The following MINPP1 variants were observed in gnomAD, a reference collection of about 807,000 sequenced individuals.
MINPP1 encodes multiple inositol-polyphosphate phosphatase 1.
In MINPP1, 28 loss-of-function variants were observed where a neutral mutation model predicts 46.1. The ratio of observed to expected loss-of-function variants is 0.61; its 90% CI spans 0.45 to 0.83. The LOEUF (loss-of-function observed/expected upper bound fraction) is 0.83, where lower values mean the gene tolerates loss of function less well. MINPP1 is among the 40% of genes least tolerant of loss of function. The pLI is 0.00. For missense variants in MINPP1, 603 were observed against 610.0 expected, an observed-to-expected ratio of 0.99 and a Z score of 0.12; for synonymous variants, 268 against 249.1, an observed-to-expected ratio of 1.08 and a Z score of -0.72.
intron 4 of MINPP1, among the ~76,000 whole-genome samples, chr10:87,527,515 TC>T: frequency 6.6e-6 from 1 of 152,254 alleles, no homozygotes; most frequent in Non-Finnish European, 1.5e-5. Flanking sequence ...CTTTTCTGCA[TC>T]TATTGAGATA....
intron 4 of MINPP1, among the ~76,000 whole-genome samples, chr10:87,543,104 G>C (rs1457436218): frequency 6.6e-6 from 1 of 152,208 alleles, no homozygotes; most frequent in African/African-American, 2.4e-5. Flanking sequence ...TCACATCCTA[G>C]CAAAGAACCT....
At chr10:87,536,612 C>A (rs904845047) in intron 4 of MINPP1, among the ~76,000 whole-genome samples, 7 of 152,126 alleles carry the variant, frequency 4.6e-5, no homozygotes, top group African/African-American at 7.2e-5. Flanking sequence ...TGTCACTATA[C>A]ATTAAGTTGT....
chr10:87,525,853 G>C (rs1381253005), intron 4 of MINPP1, among the ~76,000 whole-genome samples: 1 of 152,180 alleles, frequency 6.6e-6, no homozygotes, highest in Non-Finnish European at 1.5e-5. Flanking sequence ...ATGGTTTCCA[G>C]CTTCATCCAT....
chr10:87,520,450 C>T lies in MINPP1; in HGVS notation c.934-586C>T, dbSNP rs1851483985. Among the ~76,000 whole-genome samples, 3 of 152,180 alleles carry T rather than the reference C, an allele frequency of 2.0e-5. No individual in the cohort carries two copies. The South Asian group carries it at 6.2e-4, about 32-fold the overall frequency. On this transcript the variant is annotated intron_variant, in intron 3 of 4. Coordinates refer to ENST00000371996, the MANE Select transcript of MINPP1 (RefSeq NM_004897.5). ...TAGAATGTCTATACCAATATACATT[C>T]CTTCCAACAGTACCCATTTCCCCAT...
At position 87,505,044 on chromosome 10, in the gene MINPP1, C is replaced by G. The variant is rs1851217944; in HGVS notation, c.129C>G (p.Leu43=). 11 of 1,613,234 alleles carry G rather than the reference C, an allele frequency of 6.8e-6. No homozygotes were observed. The highest frequency in any genetic ancestry group is 1.1e-5 in the South Asian group (1 of 91,070). ...LEPRDPVASS[L]SPYFGTKTRY... ...CGAGGGACCCGGTGGCCTCGTCGCT[C>G]AGCCCCTATTTCGGCACCAAGACTC... Residue 43 remains leucine (L), a synonymous_variant, in exon 1 of 5, where the codon CTC becomes CTG. Coordinates refer to ENST00000371996, the MANE Select transcript of MINPP1 (RefSeq NM_004897.5). This position sits in a 1 kb window ranked among gnomAD's most constrained non-coding sequence, Gnocchi z 4.4.
At chr10:87,513,836 A>G (rs538194396) in intron 3 of MINPP1, among the ~76,000 whole-genome samples, 1 of 152,314 alleles carries the variant, frequency 6.6e-6, no homozygotes, top group South Asian at 2.1e-4. Context: ...AGAAGTTCAA[A>G]TTGAATCTTA....
intron 2 of MINPP1, among the ~76,000 whole-genome samples, chr10:87,512,017 AT>A (rs553446571): frequency 2.7e-3 from 410 of 152,200 alleles, no homozygotes; most frequent in African/African-American, 9.5e-3. Flanking sequence ...ACGCCAGTTG[AT>A]TTTTGGTCCC....
chr10:87,519,687 C>A (rs1053551335), intron 3 of MINPP1, among the ~76,000 whole-genome samples: 1 of 152,134 alleles, frequency 6.6e-6, no homozygotes, highest in African/African-American at 2.4e-5. Flanking sequence ...ATGGCACTGA[C>A]CCACCCCTGC....
intron 3 of MINPP1, among the ~76,000 whole-genome samples, chr10:87,514,397 T>G (rs1851381639): frequency 6.6e-6 from 1 of 152,180 alleles, no homozygotes; most frequent in Non-Finnish European, 1.5e-5. Context: ...ACGTCTTAAG[T>G]CTTTTATAGC....
At chr10:87,515,475 GAAT>G (rs1412208601) in intron 3 of MINPP1, among the ~76,000 whole-genome samples, 5 of 152,040 alleles carry the variant, frequency 3.3e-5, no homozygotes, top group Admixed American at 2.6e-4. Flanking sequence ...TAAATTAATT[GAAT>G]AATAGTTTCT....
chr10:87,546,933 A>C (rs1851895236), intron 4 of MINPP1, among the ~76,000 whole-genome samples: 1 of 152,158 alleles, frequency 6.6e-6, no homozygotes, highest in Non-Finnish European at 1.5e-5. Flanking sequence ...CTGTATCTTT[A>C]AACAAAAACA....
At chr10:87,531,149 C>T (rs1268766279) in intron 4 of MINPP1, among the ~76,000 whole-genome samples, 1 of 152,214 alleles carries the variant, frequency 6.6e-6, no homozygotes, top group Admixed American at 6.5e-5. Context: ...CCGTGCGCTT[C>T]CCGGGTGAGG....
chr10:87,544,864 A>C (rs1171477069), intron 4 of MINPP1, among the ~76,000 whole-genome samples: 3 of 152,214 alleles, frequency 2.0e-5, no homozygotes, highest in African/African-American at 7.2e-5. Flanking sequence ...ACAAAATAGC[A>C]AAGAAAAACA....
In MINPP1 at chr10:87,552,575, A is replaced by G. The variant is rs1290540542; in HGVS notation, c.*97A>G. On this transcript the variant is annotated 3_prime_UTR_variant, in exon 5 of 5. Coordinates refer to ENST00000371996, the MANE Select transcript of MINPP1 (RefSeq NM_004897.5). ...TTCCTTGATTACAGGAAGCTTTTAT[A>G]TTACTTGAGTATTTCTGTCTTTTCA... is the stretch of plus-strand genomic sequence containing the variant. 4 of 1,202,030 alleles carry G rather than the reference A, an allele frequency of 3.3e-6. No individual in the cohort carries two copies. The highest frequency in any genetic ancestry group is 4.8e-6 in the Non-Finnish European group (4 of 828,506). The allele number at this position is 1,202,030 out of a possible 1,614,324, so 74.5% of individuals were successfully genotyped here.
intron 4 of MINPP1, among the ~76,000 whole-genome samples, chr10:87,523,543 T>C (rs1328802094): frequency 6.6e-6 from 1 of 150,614 alleles, no homozygotes; most frequent in African/African-American, 2.4e-5. Context: ...GTATTTTTAG[T>C]AGAGATGGGG....
At chr10:87,512,361 A>G (rs190450390) in intron 2 of MINPP1, among the ~76,000 whole-genome samples, 6 of 152,206 alleles carry the variant, frequency 3.9e-5, no homozygotes, top group South Asian at 2.1e-4. Context: ...TGGTACCAAC[A>G]TTTCTCTCTT....
chr10:87,548,088 A>G (rs1202887187), intron 4 of MINPP1, among the ~76,000 whole-genome samples: 1 of 152,192 alleles, frequency 6.6e-6, no homozygotes, highest in Non-Finnish European at 1.5e-5. Flanking sequence ...CAGAACCTGT[A>G]TCATAGAGTA....
intron 4 of MINPP1, among the ~76,000 whole-genome samples, chr10:87,533,165 T>C (rs1221274153): frequency 1.8e-4 from 27 of 152,108 alleles, no homozygotes. Flanking sequence ...GTATACAGAT[T>C]GGTTTTTTTT....
intron 4 of MINPP1, among the ~76,000 whole-genome samples, chr10:87,528,578 T>G (rs1851611628): frequency 6.6e-6 from 1 of 152,220 alleles, no homozygotes; most frequent in South Asian, 2.1e-4. Flanking sequence ...GAGAGACAGT[T>G]TGTTATAATT....
Sources: allele counts gnomAD v4.1 joint callset (sites outside exome capture counted in the v4.1 genomes callset), GRCh38; gene constraint gnomAD v4.1.1; non-coding constraint Gnocchi (gnomAD v3.1); transcripts MANE v1.5; gene names NCBI Gene and HGNC (gene_info 2026-07-23, HGNC 2026-07-21).